INPP4B: variants seen among roughly 807,000 people sequenced by gnomAD.
The protein encoded by INPP4B is inositol polyphosphate-4-phosphatase type II B, also known as inositol polyphosphate 4-phosphatase type II.
Under a neutral mutation model 122.5 loss-of-function variants are expected in INPP4B, and 55 were observed. The observed-to-expected ratio is 0.45, with a 90% CI of 0.36 to 0.56. INPP4B has a LOEUF of 0.56. INPP4B is among the 20% of genes least tolerant of loss of function. The pLI, the probability that INPP4B is intolerant of heterozygous loss-of-function variation, is 0.00. For missense variants in INPP4B, 1,000 were observed against 1,097.7 expected (o/e 0.91, Z 1.26); for synonymous variants, 403 against 388.7 (o/e 1.04, Z -0.43).
At chr4:142,812,587 A>T (rs1171584058) in intron 1 of INPP4B, among the ~76,000 whole-genome samples, 1 of 152,148 alleles carries the variant, frequency 6.6e-6, no homozygotes, top group Non-Finnish European at 1.5e-5. Flanking sequence ...TGAGAAATAA[A>T]CAGCATGGAT....
intron 25 of INPP4B, among the ~76,000 whole-genome samples, chr4:142,051,831 TATC>T (rs1313520760): frequency 1.4e-4 from 22 of 152,156 alleles, no homozygotes; most frequent in Admixed American, 1.1e-3. Context: ...TACATTTAGA[TATC>T]ATTTTGTTTT....
chr4:142,631,685 A>C (rs1163552151), intron 2 of INPP4B, among the ~76,000 whole-genome samples: 1 of 152,134 alleles, frequency 6.6e-6, no homozygotes, highest in Non-Finnish European at 1.5e-5. Flanking sequence ...ATATCTTAAG[A>C]GGTAGAAAAG....
chr4:142,300,434 A>C (rs1760911531), intron 9 of INPP4B, among the ~76,000 whole-genome samples: 1 of 152,160 alleles, frequency 6.6e-6, no homozygotes, highest in Admixed American at 6.5e-5. Flanking sequence ...AACTTTGTGT[A>C]TGTTCATGTG....
At chr4:142,791,035 A>T (rs971551269) in intron 1 of INPP4B, among the ~76,000 whole-genome samples, 6 of 152,164 alleles carry the variant, frequency 3.9e-5, no homozygotes, top group Admixed American at 1.3e-4. Flanking sequence ...TATATAAAAC[A>T]TAACTATTTG....
intron 23 of INPP4B, among the ~76,000 whole-genome samples, chr4:142,099,022 T>C (rs898087687): frequency 6.6e-6 from 1 of 152,036 alleles, no homozygotes; most frequent in Non-Finnish European, 1.5e-5. Context: ...GGAAGCCAAG[T>C]GACAAAAGAA....
chr4:142,310,527 T>C (rs1046297651), intron 8 of INPP4B, among the ~76,000 whole-genome samples: 3 of 152,178 alleles, frequency 2.0e-5, no homozygotes, highest in African/African-American at 7.2e-5. Flanking sequence ...AATATATCAA[T>C]AATATTTTGA....
At chr4:142,386,170 C>T (rs982101885) in intron 7 of INPP4B, among the ~76,000 whole-genome samples, 3 of 152,020 alleles carry the variant, frequency 2.0e-5, no homozygotes, top group South Asian at 2.1e-4. Context: ...AACATAATGT[C>T]TTCCAGGTTC....
chr4:142,741,328 G>A (rs1335675088), intron 1 of INPP4B, among the ~76,000 whole-genome samples: 1 of 151,986 alleles, frequency 6.6e-6, no homozygotes, highest in Non-Finnish European at 1.5e-5. Flanking sequence ...GTGGGAGTAG[G>A]AGAGAGACGA....
intron 17 of INPP4B, among the ~76,000 whole-genome samples, chr4:142,148,030 C>T (rs990755128): frequency 1.3e-5 from 2 of 152,068 alleles, no homozygotes; most frequent in Non-Finnish European, 2.9e-5. Flanking sequence ...CATGCCCTCT[C>T]TTTTGAATAT....
chr4:142,207,070 G>A (rs1842885587), intron 14 of INPP4B, among the ~76,000 whole-genome samples: 1 of 151,946 alleles, frequency 6.6e-6, no homozygotes. Context: ...TCTGTATCCT[G>A]GCTTATTTCA....
intron 10 of INPP4B, among the ~76,000 whole-genome samples, chr4:142,268,996 A>AC (rs1302837129): frequency 6.6e-6 from 1 of 151,992 alleles, no homozygotes; most frequent in Non-Finnish European, 1.5e-5. Flanking sequence ...AGAATATATA[A>AC]CCCCCTATAA....
intron 2 of INPP4B, among the ~76,000 whole-genome samples, chr4:142,490,800 A>AGAT (rs1198299684): frequency 2.2e-4 from 33 of 152,288 alleles, no homozygotes; most frequent in African/African-American, 7.9e-4. Context: ...CATATAAAAG[A>AGAT]GATCATGCAT....
chr4:142,756,370 G>A lies in INPP4B; in HGVS notation c.-253-30469C>T, dbSNP rs569328909. On this transcript the variant is annotated intron_variant, in intron 1 of 25. Transcript: ENST00000262992. ...GCCTTACCTCTGGGATTCTTGCTAG[G>A]TAAGACAATTAATCCTCTTATTATT... Among the ~76,000 whole-genome samples the A allele has an allele frequency of 7.9e-5, 12 of 152,128 alleles. No individual in the cohort carries two copies. The South Asian group carries it at 2.3e-3, about 29-fold the overall frequency.
chr4:142,442,344 G>A (rs572243220), intron 3 of INPP4B, among the ~76,000 whole-genome samples: 45 of 148,346 alleles, frequency 3.0e-4, no homozygotes, highest in Middle Eastern at 3.5e-3. Flanking sequence ...CCCGGGAGGC[G>A]GAGGTTGCAG....
intron 23 of INPP4B, among the ~76,000 whole-genome samples, chr4:142,092,359 C>CA (rs1473571521): frequency 7.1e-6 from 1 of 140,248 alleles, no homozygotes; most frequent in Non-Finnish European, 1.6e-5. Flanking sequence ...GGTGTGACCT[C>CA]GGCTCACTGC....
chr4:142,625,307 C>T (rs536493498), intron 2 of INPP4B, among the ~76,000 whole-genome samples: 22 of 152,148 alleles, frequency 1.4e-4, no homozygotes, highest in African/African-American at 4.8e-4. Flanking sequence ...AATCAATGTA[C>T]AAAAATCACA....
intron 25 of INPP4B, among the ~76,000 whole-genome samples, chr4:142,074,667 G>C (rs1769505880): frequency 6.6e-6 from 1 of 152,040 alleles, no homozygotes; most frequent in Non-Finnish European, 1.5e-5. Context: ...TAGATAAATT[G>C]TGGTCTATTT....
intron 2 of INPP4B, among the ~76,000 whole-genome samples, chr4:142,706,459 C>A (rs190167919): frequency 5.9e-5 from 9 of 152,298 alleles, no homozygotes; most frequent in African/African-American, 2.2e-4. Context: ...AGAAAAGGAG[C>A]ATCCTGTCCT....
chr4:142,384,384 G>T (rs185020054), intron 7 of INPP4B, among the ~76,000 whole-genome samples: 123 of 152,284 alleles, frequency 8.1e-4, no homozygotes, highest in African/African-American at 2.7e-3. Flanking sequence ...CACAAACCTA[G>T]ATAGTATTGC....
Sources: gnomAD v4.1 joint callset for allele counts (sites outside exome capture counted in the v4.1 genomes callset) on GRCh38, gnomAD v4.1.1 for gene constraint, MANE v1.5 for transcripts, NCBI Gene and HGNC (gene_info 2026-07-23, HGNC 2026-07-21) for gene names.